The following DMXL2 variants were observed in gnomAD, a reference collection of about 807,000 sequenced individuals.
DMXL2 encodes the protein Dmx like 2.
Under a neutral mutation model 331.1 loss-of-function variants are expected in DMXL2, and 103 were observed. The ratio of observed to expected loss-of-function variants is 0.31; its 90% CI spans 0.27 to 0.37. The LOEUF is 0.37. DMXL2 is among the 10% of genes least tolerant of loss of function. The probability of loss-of-function intolerance (pLI) is 1.00; values close to 1 mark genes in which losing one functional copy is unlikely to be tolerated. For missense variants in DMXL2, 3,171 were observed against 3,642.9 expected (o/e 0.87, Z 3.33); for synonymous variants, 1,281 against 1,252.1 (o/e 1.02, Z -0.49).
chr15:51,557,831 T>C (rs2049702390), intron 6 of DMXL2, among the ~76,000 whole-genome samples: 1 of 152,104 alleles, frequency 6.6e-6, no homozygotes, highest in African/African-American at 2.4e-5. Flanking sequence ...AAGGAAAAAA[T>C]AAAACTTGAC....
At position 51,480,739 on chromosome 15, in the gene DMXL2, A is replaced by C. The variant is rs150924530; in HGVS notation, c.6367T>G (p.Ser2123Ala). The change falls in exon 24 of 44, where the codon TCC (serine) becomes GCC (alanine). Residue 2123 changes from serine (S) to alanine (A), a missense_variant. By Grantham distance (99) the Ser-to-Ala change is moderately conservative (BLOSUM62 1). This residue lies in a region of DMXL2 where 197 missense variants were observed against 196.2 expected (regional missense o/e 1.00). Transcript: ENST00000560891. The stretch of plus-strand genomic sequence containing the variant: ...CTTTCTATTTGATGGCGCTCATAGG[A>C]ACCAATATCTGGTTTGTCTACCATT... ...EEMVDKPDIG[S>A]YERHQIERRR... The C allele has an allele frequency of 8.9e-5, 142 of 1,601,258 alleles. No individual in the cohort carries two copies. The highest frequency in any genetic ancestry group is 1.2e-4 in the Non-Finnish European group (139 of 1,171,162).
At chr15:51,546,564 T>G (rs1475765876) in intron 7 of DMXL2, among the ~76,000 whole-genome samples, 3 of 152,130 alleles carry the variant, frequency 2.0e-5, no homozygotes, top group Non-Finnish European at 4.4e-5. Context: ...AGCAAGCTTC[T>G]GAGTGCCCAA....
chr15:51,542,580 A>T, intron 8 of DMXL2, 73 bp from the exon 9 acceptor site: 1 of 1,178,228 alleles, frequency 8.5e-7, no homozygotes. Flanking sequence ...ACTCTTAATT[A>T]TTAAGAGGTT....
At chr15:51,606,214 G>A (rs1595728742) in intron 1 of DMXL2, among the ~76,000 whole-genome samples, 1 of 152,152 alleles carries the variant, frequency 6.6e-6, no homozygotes, top group South Asian at 2.1e-4. Flanking sequence ...GTGTGTGGGG[G>A]TGTGGATGTG....
intron 6 of DMXL2, among the ~76,000 whole-genome samples, chr15:51,550,367 T>TA (rs2049138986): frequency 6.6e-6 from 1 of 152,192 alleles, no homozygotes; most frequent in South Asian, 2.1e-4. Context: ...GCTGCCTTTT[T>TA]AATTATAAAT....
At chr15:51,591,153 C>T (rs1475776070) in intron 1 of DMXL2, among the ~76,000 whole-genome samples, 5 of 152,206 alleles carry the variant, frequency 3.3e-5, no homozygotes, top group Non-Finnish European at 4.4e-5. Context: ...ACCCAGGAAG[C>T]GCAAGGGGTC....
rs183598696 is a variant in DMXL2, at chr15:51,619,436, T to C, written c.87+3023A>G. On this transcript the variant is annotated intron_variant, in intron 1 of 43. Coordinates refer to ENST00000560891, the MANE Select transcript of DMXL2 (RefSeq NM_001378457.1). ...GCCTAAACACAAGTGAAAAGCATCA[T>C]AGCTTACGTGATACCACTAAAACCA... Among the ~76,000 whole-genome samples, 50 of 152,292 alleles carry C rather than the reference T, an allele frequency of 3.3e-4. 1 individual carries two copies. Among genetic ancestry groups the C allele is most frequent in the African/African-American group, 1.1e-3 (47 of 41,558 alleles).
In DMXL2 at chr15:51,547,373, A is replaced by T; in HGVS notation, c.603T>A (p.Thr201=). Residue 201 remains threonine (T), a synonymous_variant, in exon 7 of 44, where the codon ACT becomes ACA. Transcript: ENST00000560891. ...DCLLKVWYPM[T]GWKSSIIPQD... ...GAGGTATAATTGAAGACTTCCAACC[A>T]GTCATAGGATACCACACTTTCAAAA... 6.2e-7 allele frequency: 1 copy of T among 1,607,206 alleles called. No individual in the cohort carries two copies. The highest frequency in any genetic ancestry group is 2.2e-5 in the East Asian group (1 of 44,704).
At chr15:51,582,872 C>A (rs1273433437) in intron 1 of DMXL2, among the ~76,000 whole-genome samples, 2 of 151,870 alleles carry the variant, frequency 1.3e-5, no homozygotes, top group African/African-American at 4.8e-5. Context: ...GTCACCTTCT[C>A]ATCCTTTTCA....
chr15:51,544,133 G>C (rs1016260293), intron 8 of DMXL2, among the ~76,000 whole-genome samples: 15 of 152,168 alleles, frequency 9.9e-5, no homozygotes, highest in African/African-American at 3.6e-4. Context: ...ATCACAGACA[G>C]TGATATAGTT....
At chr15:51,456,042 C>A in intron 39 of DMXL2, 24 bp downstream of exon 39, 1 of 1,611,626 alleles carries the variant, frequency 6.2e-7, no homozygotes, top group South Asian at 1.1e-5. Context: ...CAGATGAATT[C>A]AGCAGTAGCC....
In DMXL2 at chr15:51,455,090, C is replaced by G. The variant is rs147145135; in HGVS notation, c.8604+61G>C. The stretch of plus-strand genomic sequence containing the variant: ...CACCAATGAGATTCACTGTCTGAAA[C>G]AGACACTTCATGAACAAAGTGTTGT... On this transcript the variant is annotated intron_variant, in intron 40 of 43. Transcript: ENST00000560891. The G allele has an allele frequency of 2.0e-4, 261 of 1,330,542 alleles. No homozygotes were observed. In the African/African-American group the frequency reaches 3.2e-3, roughly 16 times the overall value. The allele number at this position is 1,330,542 out of a possible 1,614,324, so 82.4% of individuals were successfully genotyped here.
intron 1 of DMXL2, among the ~76,000 whole-genome samples, chr15:51,613,817 A>C (rs2054125126): frequency 6.6e-6 from 1 of 152,176 alleles, no homozygotes; most frequent in Admixed American, 6.5e-5. Context: ...GCATATTCTT[A>C]AAATTTCTTT....
At chr15:51,594,520 T>C (rs189285597) in intron 1 of DMXL2, among the ~76,000 whole-genome samples, 22 of 152,270 alleles carry the variant, frequency 1.4e-4, no homozygotes, top group Non-Finnish European at 2.6e-4. Flanking sequence ...CCTGAAACTA[T>C]TCCAATCAAA....
At chr15:51,565,457 C>A (rs2050210479) in intron 3 of DMXL2, among the ~76,000 whole-genome samples, 1 of 152,132 alleles carries the variant, frequency 6.6e-6, no homozygotes, top group South Asian at 2.1e-4. Context: ...TATCCTATTC[C>A]TCACGTCTCC....
At chr15:51,468,069 C>G (rs1193270707) in intron 29 of DMXL2, among the ~76,000 whole-genome samples, 4 of 152,140 alleles carry the variant, frequency 2.6e-5, no homozygotes, top group Non-Finnish European at 4.4e-5. Context: ...ATGAACAAGA[C>G]ATATTTTAAA....
chr15:51,537,885 AC>A (rs1267564215), intron 10 of DMXL2, 126 bp from the exon 11 acceptor site: 3 of 1,182,794 alleles, frequency 2.5e-6, no homozygotes, highest in African/African-American at 3.1e-5. Context: ...AGAAAAAAAA[AC>A]AAAGGAAACT....
chr15:51,508,249 C>A (rs2046533357), intron 15 of DMXL2, among the ~76,000 whole-genome samples: 2 of 152,200 alleles, frequency 1.3e-5, no homozygotes, highest in South Asian at 4.1e-4. Context: ...ATGGGTGCAG[C>A]AAACCACCAT....
rs748029047 is a variant in DMXL2 at position 51,453,526 on chromosome 15, T to C, written c.8696+24A>G. The C allele has an allele frequency of 2.6e-6, 4 of 1,545,104 alleles. No homozygotes were observed. In the African/African-American group the frequency reaches 5.5e-5, roughly 21 times the overall value. ...GGATTTCTAACGTTTTTATATTTCT[T>C]ACTTTGCTTTTCTGTCAACCTACCT... On this transcript the variant is annotated intron_variant, in intron 41 of 43. Coordinates refer to ENST00000560891, the MANE Select transcript of DMXL2 (RefSeq NM_001378457.1).
Sources: gnomAD v4.1 joint callset for allele counts (sites outside exome capture counted in the v4.1 genomes callset) on GRCh38, gnomAD v4.1.1 for gene constraint, gnomAD v4.1.1 regional missense constraint, MANE v1.5 for transcripts, NCBI Gene and HGNC (gene_info 2026-07-23, HGNC 2026-07-21) for gene names.